The following ITFG1 variants were observed in gnomAD, a reference collection of about 807,000 sequenced individuals.
The protein encoded by ITFG1 is T-cell immunomodulatory protein.
A neutral mutation model predicts 81.8 loss-of-function variants in ITFG1; 34 were observed. The ratio of observed to expected loss-of-function variants is 0.42; its 90% CI spans 0.32 to 0.55. The LOEUF is 0.55. Ranked by LOEUF, ITFG1 falls within the 20% of genes least tolerant of loss-of-function variation. The pLI is 0.17. For synonymous variants in ITFG1, 285 were observed against 270.6 expected, an observed-to-expected ratio of 1.05 and a Z score of -0.52; for missense variants, 672 against 755.4, an observed-to-expected ratio of 0.89 and a Z score of 1.29.
chr16:47,326,941 C>T (rs1182593109), intron 8 of ITFG1, among the ~76,000 whole-genome samples: 3 of 152,154 alleles, frequency 2.0e-5, no homozygotes, highest in Non-Finnish European at 4.4e-5. Context: ...ATCAAGCTAC[C>T]AATGACTTTC....
intron 6 of ITFG1, among the ~76,000 whole-genome samples, chr16:47,413,850 C>T (rs1031185057): frequency 1.3e-5 from 2 of 152,094 alleles, no homozygotes; most frequent in Non-Finnish European, 2.9e-5. Flanking sequence ...TACTTATTCT[C>T]GCTCTTATCC....
chr16:47,279,819 T>A (rs117022150), intron 10 of ITFG1, among the ~76,000 whole-genome samples: 2,537 of 152,300 alleles, frequency 0.017, 23 homozygotes, highest in Middle Eastern at 0.031. Context: ...TTGGAGTTAA[T>A]GACATATAGA....
chr16:47,161,127 A>G (rs1163346692), intron 16 of ITFG1, among the ~76,000 whole-genome samples: 1 of 152,262 alleles, frequency 6.6e-6, no homozygotes, highest in Non-Finnish European at 1.5e-5. Context: ...GAATTTAAAT[A>G]AAAATGAATA....
At chr16:47,272,931 G>C (rs1381818866) in intron 10 of ITFG1, among the ~76,000 whole-genome samples, 2 of 145,536 alleles carry the variant, frequency 1.4e-5, no homozygotes, top group Non-Finnish European at 3.0e-5. Flanking sequence ...TTTTGAGGCT[G>C]GTTTTAATTT....
intron 7 of ITFG1, 84 bp from the exon 8 acceptor site, chr16:47,365,953 G>A: frequency 5.6e-6 from 4 of 713,920 alleles, no homozygotes; most frequent in South Asian, 5.6e-5. Context: ...AACTGAACTG[G>A]GGAAATAAAT....
chr16:47,428,690 TA>T, intron 6 of ITFG1, 113 bp downstream of exon 6: 1 of 725,604 alleles, frequency 1.4e-6, no homozygotes, highest in South Asian at 1.6e-5. Context: ...TAACATCCTT[TA>T]AACATTAATT....
chr16:47,362,917 A>AG (rs1397105728), intron 8 of ITFG1, among the ~76,000 whole-genome samples: 2 of 151,274 alleles, frequency 1.3e-5, no homozygotes, highest in Admixed American at 6.6e-5. Context: ...ATTTTTTGAG[A>AG]GGGGGTCTCA....
rs367779096 is a variant in ITFG1, at chr16:47,371,913, C to CT, written c.720+3962dup. Among the ~76,000 whole-genome samples, 536 of 143,114 alleles carry CT rather than the reference C, an allele frequency of 3.7e-3. 1 individual carries two copies. The highest frequency in any genetic ancestry group is 7.2e-3 in the African/African-American group (283 of 39,230). 93.9% of individuals were successfully genotyped at this position (143,114 alleles called of 152,430 possible). ...CAAGGATCTGGTTTTGCCACTCTCT[C>CT]TTTTTTTTTTTTTTTCCTGAGACAG... On this transcript the variant is annotated intron_variant, in intron 7 of 17. Transcript: ENST00000320640.
chr16:47,260,430 A>G, intron 11 of ITFG1, 115 bp downstream of exon 11: 2 of 1,078,332 alleles, frequency 1.9e-6, no homozygotes, highest in East Asian at 4.8e-5. Flanking sequence ...TCCTTAATTA[A>G]CTCATTTGCT....
At chr16:47,260,376 T>A (rs1042754132) in intron 11 of ITFG1, among the ~76,000 whole-genome samples, 169 bp downstream of exon 11, 1 of 152,228 alleles carries the variant, frequency 6.6e-6, no homozygotes, top group Non-Finnish European at 1.5e-5. Context: ...GCCAATGTTG[T>A]CAATAGATTT....
intron 8 of ITFG1, among the ~76,000 whole-genome samples, chr16:47,362,416 A>G (rs770621045): frequency 6.6e-6 from 1 of 152,220 alleles, no homozygotes; most frequent in Non-Finnish European, 1.5e-5. Flanking sequence ...TACTTTCTGA[A>G]GTTAATAAAA....
chr16:47,204,473 A>G (rs1965467735), intron 14 of ITFG1, among the ~76,000 whole-genome samples: 1 of 152,238 alleles, frequency 6.6e-6, no homozygotes, highest in Admixed American at 6.5e-5. Context: ...TAAATTCAGC[A>G]TTTTAGCTAA....
At chr16:47,320,385 T>C (rs527867529) in intron 8 of ITFG1, among the ~76,000 whole-genome samples, 1 of 152,310 alleles carries the variant, frequency 6.6e-6, no homozygotes, top group African/African-American at 2.4e-5. Flanking sequence ...CATATAACTC[T>C]GTTTCCCCCA....
At chr16:47,400,791 G>A (rs765280650) in intron 6 of ITFG1, among the ~76,000 whole-genome samples, 12 of 152,106 alleles carry the variant, frequency 7.9e-5, no homozygotes, top group Admixed American at 1.3e-4. Flanking sequence ...CATGTGGCGG[G>A]AGCACAAAGG....
At chr16:47,193,325 A>T (rs975555207) in intron 14 of ITFG1, among the ~76,000 whole-genome samples, 3 of 151,604 alleles carry the variant, frequency 2.0e-5, no homozygotes, top group Non-Finnish European at 4.4e-5. Flanking sequence ...AAGTATATTT[A>T]AAAAAATGGG....
chr16:47,445,555 T>A (rs1025536361), intron 5 of ITFG1, among the ~76,000 whole-genome samples: 1 of 152,236 alleles, frequency 6.6e-6, no homozygotes, highest in African/African-American at 2.4e-5. Flanking sequence ...TTTTCAAAGA[T>A]GGTCACATTA....
chr16:47,249,225 C>A (rs1221594921), intron 12 of ITFG1, among the ~76,000 whole-genome samples: 1 of 152,050 alleles, frequency 6.6e-6, no homozygotes, highest in Non-Finnish European at 1.5e-5. Context: ...TGAGACCAGC[C>A]TAGCCAACAT....
chr16:47,328,657 C>A (rs1967595829), intron 8 of ITFG1, among the ~76,000 whole-genome samples: 1 of 152,016 alleles, frequency 6.6e-6, no homozygotes, highest in Non-Finnish European at 1.5e-5. Flanking sequence ...CAGAGTGATA[C>A]TTAAGGGCTA....
At chr16:47,306,273 A>C (rs1008469819) in intron 10 of ITFG1, among the ~76,000 whole-genome samples, 10 of 152,188 alleles carry the variant, frequency 6.6e-5, no homozygotes, top group African/African-American at 2.4e-4. Flanking sequence ...ATTAACTGGA[A>C]TGATATTTCA....
Sources: allele counts gnomAD v4.1 joint callset (sites outside exome capture counted in the v4.1 genomes callset), GRCh38; gene constraint gnomAD v4.1.1; transcripts MANE v1.5; gene names NCBI Gene and HGNC (gene_info 2026-07-23, HGNC 2026-07-21).